The following PPP1R21 variants were observed in gnomAD, a reference collection of about 807,000 sequenced individuals.
The protein encoded by PPP1R21 is protein phosphatase 1 regulatory subunit 21.
A neutral mutation model predicts 112.8 loss-of-function variants in PPP1R21; 85 were observed. The observed-to-expected ratio is 0.75, with a 90% CI of 0.63 to 0.90. The LOEUF (loss-of-function observed/expected upper bound fraction) is 0.90, where lower values mean the gene tolerates loss of function less well. Among genes scored for constraint, PPP1R21 ranks in the 40% least tolerant of loss-of-function variants. PPP1R21 has a pLI of 0.00. For synonymous variants in PPP1R21, 381 were observed against 322.3 expected, an observed-to-expected ratio of 1.18 and a Z score of -1.95; for missense variants, 1,199 against 901.5, an observed-to-expected ratio of 1.33 and a Z score of -4.23.
intron 2 of PPP1R21, 55 bp downstream of exon 2, chr2:48,451,131 A>C: frequency 2.1e-6 from 3 of 1,442,026 alleles, no homozygotes; most frequent in Non-Finnish European, 2.9e-6. Context: ...GGTGTTGCTC[A>C]AAGCAGGTTC....
At chr2:48,471,389 G>C in intron 11 of PPP1R21, 22 bp downstream of exon 11, 4 of 1,583,738 alleles carry the variant, frequency 2.5e-6, no homozygotes, top group Non-Finnish European at 3.4e-6. Context: ...CGGAGGCCAG[G>C]GAACTTGGGG....
At chr2:48,499,703 T>A (rs1572890721) in intron 17 of PPP1R21, among the ~76,000 whole-genome samples, 1 of 152,266 alleles carries the variant, frequency 6.6e-6, no homozygotes, top group South Asian at 2.1e-4. Context: ...AGGTTCTTTT[T>A]CATGAGGCAG....
At chr2:48,504,245 C>G (rs1231580644) in intron 17 of PPP1R21, among the ~76,000 whole-genome samples, 1 of 152,138 alleles carries the variant, frequency 6.6e-6, no homozygotes, top group African/African-American at 2.4e-5. Flanking sequence ...TTATCAAAGA[C>G]TCTTTTACAG....
At chr2:48,486,231 C>T (rs1166972738) in intron 13 of PPP1R21, among the ~76,000 whole-genome samples, 2 of 152,022 alleles carry the variant, frequency 1.3e-5, no homozygotes, top group Non-Finnish European at 2.9e-5. Flanking sequence ...GTTGGCTATT[C>T]CTTTCCAGCC....
chr2:48,444,222 G>A (rs1667154488), intron 1 of PPP1R21, among the ~76,000 whole-genome samples: 1 of 152,196 alleles, frequency 6.6e-6, no homozygotes, highest in Non-Finnish European at 1.5e-5. Flanking sequence ...AGTGGTTTGG[G>A]CAATTAGAGG....
chr2:48,479,202 TTTAGCTTCAGCAAC>T (rs1668893908), intron 12 of PPP1R21, among the ~76,000 whole-genome samples: 1 of 152,172 alleles, frequency 6.6e-6, no homozygotes, highest in Non-Finnish European at 1.5e-5. Flanking sequence ...TTGCTCAGAA[TTTAGCTTCAGCAAC>T]AGGTAGCTGG....
At chr2:48,452,400 C>A (rs1667515580) in intron 2 of PPP1R21, among the ~76,000 whole-genome samples, 1 of 151,940 alleles carries the variant, frequency 6.6e-6, no homozygotes, top group African/African-American at 2.4e-5. Flanking sequence ...ACATTATCAT[C>A]CCCATTACAG....
At chr2:48,462,499 A>G (rs375298025) in intron 7 of PPP1R21, among the ~76,000 whole-genome samples, 1 of 152,190 alleles carries the variant, frequency 6.6e-6, no homozygotes, top group African/African-American at 2.4e-5. Flanking sequence ...ATATGTGAGC[A>G]GGTTTTATTG....
intron 13 of PPP1R21, among the ~76,000 whole-genome samples, chr2:48,482,007 C>G (rs563616407): frequency 6.6e-6 from 1 of 152,300 alleles, no homozygotes; most frequent in East Asian, 1.9e-4. Context: ...GACTTGGATC[C>G]TGTCCCCAAG....
At chr2:48,475,470 T>A (rs1668708878) in intron 12 of PPP1R21, among the ~76,000 whole-genome samples, 1 of 152,202 alleles carries the variant, frequency 6.6e-6, no homozygotes, top group African/African-American at 2.4e-5. Flanking sequence ...ATCATAAGAA[T>A]TTGTAGCAGC....
At chr2:48,441,175 C>G in intron 1 of PPP1R21, 165 bp downstream of exon 1, 1 of 633,134 alleles carries the variant, frequency 1.6e-6, no homozygotes, top group Non-Finnish European at 2.8e-6. Flanking sequence ...CCACCTGCAG[C>G]TCCCAGGAGA....
chr2:48,466,581 A>G (rs969250736), intron 9 of PPP1R21, among the ~76,000 whole-genome samples: 5 of 152,048 alleles, frequency 3.3e-5, no homozygotes, highest in Non-Finnish European at 5.9e-5. Context: ...ATGGCCAGTA[A>G]GTGGTATGAG....
chr2:48,511,203 A>G, intron 20 of PPP1R21, 137 bp from the exon 21 acceptor site: 1 of 862,804 alleles, frequency 1.2e-6, no homozygotes. Context: ...CTTCTTTTGT[A>G]GCTATTTTGA....
In PPP1R21 at chr2:48,457,753, A is replaced by G. The variant is rs766025138; in HGVS notation, c.274-373A>G. 3.9e-5 allele frequency among the ~76,000 whole-genome samples: 6 copies of G among 152,346 alleles called. No homozygotes were observed. The East Asian group carries it at 5.8e-4, about 15-fold the overall frequency. On this transcript the variant is annotated intron_variant, in intron 3 of 21. Transcript: ENST00000294952. ...AACAACTCCGACTCATGAAATTGCT[A>G]TAACTCTCATTTCCCAAACCAAAAG...
At position 48,440,844 on chromosome 2, in the gene PPP1R21, C is replaced by T; in HGVS notation, c.-110C>T. 1 of 769,434 alleles carries T rather than the reference C, an allele frequency of 1.3e-6. No homozygotes were observed. The highest frequency in any genetic ancestry group is 2.1e-6 in the Non-Finnish European group (1 of 472,432). The allele number at this position is 769,434 out of a possible 1,614,324, so 47.7% of individuals were successfully genotyped here. ...GCGGCGGCGGCGGCGGCTGCGGTGG[C>T]CAAGCAGGCAGATACTGCCTGACCC... On this transcript the variant is annotated 5_prime_UTR_variant, in exon 1 of 22. Transcript: ENST00000294952.
Position 48,464,966 on chromosome 2 carries a change from C to G in PPP1R21, c.724C>G (p.Pro242Ala), listed in dbSNP as rs370479740. ...TAGTCAGTACAACGCTCTGAACGTT[C>G]CACTCCACAATAGGAGACACCAGGT... Reference protein sequence around the residue: ...KYSQYNALNVPLHNRRHQLKM... With the variant: ...KYSQYNALNVALHNRRHQLKM... The change falls in exon 8 of 22, where the codon CCA (proline) becomes GCA (alanine). Residue 242 changes from proline (P) to alanine (A), a missense_variant. Pro to Ala is a conservative substitution (Grantham distance 27, BLOSUM62 -1). Transcript: ENST00000294952. 4 of 1,559,068 alleles carry G rather than the reference C, an allele frequency of 2.6e-6. No individual in the cohort carries two copies. The African/African-American group carries it at 4.3e-5, about 17-fold the overall frequency.
At chr2:48,481,225 G>C (rs751964210) in intron 13 of PPP1R21, among the ~76,000 whole-genome samples, 3 of 152,190 alleles carry the variant, frequency 2.0e-5, no homozygotes, top group African/African-American at 7.2e-5. Context: ...CTGACATCAG[G>C]TGACCCACCT....
chr2:48,486,350 G>T (rs762043751), intron 13 of PPP1R21, among the ~76,000 whole-genome samples: 18 of 152,142 alleles, frequency 1.2e-4, no homozygotes, highest in Non-Finnish European at 2.2e-4. Flanking sequence ...GTAAATACAG[G>T]ATCATTTACC....
Position 48,491,159 on chromosome 2 carries a change from T to G in PPP1R21, c.1588T>G (p.Ser530Ala). 1 of 1,610,884 alleles carries G rather than the reference T, an allele frequency of 6.2e-7. No homozygotes were observed. Among genetic ancestry groups the G allele is most frequent in the South Asian group, 1.1e-5 (1 of 90,114 alleles). The change falls in exon 15 of 22, where the codon TCT becomes GCT. Residue 530 changes from serine to alanine, a missense_variant. Transcript: ENST00000294952. Reference protein sequence around the residue: ...YKKKAAAYMKSLRKPLLESVP... With the variant: ...YKKKAAAYMKALRKPLLESVP... ...GAAAAAAGCTGCTGCCTATATGAAG[T>G]CTTTGAGAAAGGTTTGTTAGCTGCT...
Sources: gnomAD v4.1 joint callset for allele counts (sites outside exome capture counted in the v4.1 genomes callset) on GRCh38, gnomAD v4.1.1 for gene constraint, MANE v1.5 for transcripts, NCBI Gene and HGNC (gene_info 2026-07-23, HGNC 2026-07-21) for gene names.